Variants in AGO2 observed in about 807,000 individuals in gnomAD.
AGO2 encodes the protein protein argonaute-2.
Under a neutral mutation model 102.3 loss-of-function variants are expected in AGO2, and 5 were observed. The observed-to-expected ratio is 0.05, with a 90% CI of 0.03 to 0.10. The LOEUF is 0.10. AGO2 is among the 10% of genes least tolerant of loss of function. The probability of loss-of-function intolerance (pLI) is 1.00; values close to 1 mark genes in which losing one functional copy is unlikely to be tolerated. For synonymous variants in AGO2, 449 were observed against 473.1 expected (o/e 0.95, Z 0.66); for missense variants, 541 against 1,183.7 (o/e 0.46, Z 7.97).
chr8:140,590,581 C>T (rs560056808), intron 1 of AGO2, among the ~76,000 whole-genome samples: 1 of 152,218 alleles, frequency 6.6e-6, no homozygotes. Context: ...GGAAGGGAGT[C>T]AACAGAACCC....
In AGO2 at chr8:140,532,428, T is replaced by A; in HGVS notation, c.2459A>T (p.Lys820Met). 2 of 1,613,540 alleles carry A rather than the reference T, an allele frequency of 1.2e-6. No individual in the cohort carries two copies. Among genetic ancestry groups the A allele is most frequent in the Non-Finnish European group, 1.7e-6 (2 of 1,179,822 alleles). ...GCATGCCACTCACCTGTCATGTTCCTTATCCACCAGGTGGTACCTGGCCCG... is the reference window on the plus strand; with the variant it reads ...GCATGCCACTCACCTGTCATGTTCCATATCCACCAGGTGGTACCTGGCCCG... Reference protein sequence around the residue: ...AFRARYHLVDKEHDSAEGSHT... With the variant: ...AFRARYHLVDMEHDSAEGSHT... The change falls in exon 18 of 19, where the codon AAG (lysine) becomes ATG (methionine). Residue 820 changes from lysine (K) to methionine (M), a missense_variant. Lys to Met is a moderately conservative substitution (Grantham distance 95, BLOSUM62 -1). Around this residue, in one of 6 missense-constraint regions of AGO2, gnomAD observed 309 missense variants for 735.1 expected, o/e 0.42. Transcript: ENST00000220592.
chr8:140,537,279 TG>T (rs1488281583), intron 16 of AGO2, among the ~76,000 whole-genome samples: 2 of 152,086 alleles, frequency 1.3e-5, no homozygotes, highest in Non-Finnish European at 2.9e-5. Context: ...CTATTAGACC[TG>T]GCTTGGCTTG....
intron 1 of AGO2, among the ~76,000 whole-genome samples, chr8:140,629,585 ACC>A (rs1225204394): frequency 6.6e-6 from 1 of 151,846 alleles, no homozygotes; most frequent in African/African-American, 2.4e-5. Flanking sequence ...CACACTTGTA[ACC>A]CCAGCACTTT....
chr8:140,573,225 A>G (rs986726289), intron 2 of AGO2, among the ~76,000 whole-genome samples: 3 of 151,822 alleles, frequency 2.0e-5, no homozygotes, highest in Non-Finnish European at 4.4e-5. Flanking sequence ...GCTGGAGTGC[A>G]GTGGCACGAT....
At chr8:140,601,282 C>A (rs778614133) in intron 1 of AGO2, among the ~76,000 whole-genome samples, 1 of 152,234 alleles carries the variant, frequency 6.6e-6, no homozygotes, top group South Asian at 2.1e-4. Context: ...TCACCTCCTT[C>A]AGGTCTTTGT....
intron 1 of AGO2, among the ~76,000 whole-genome samples, chr8:140,623,760 A>G (rs554750280): frequency 1.3e-5 from 2 of 152,106 alleles, no homozygotes; most frequent in South Asian, 4.2e-4. Context: ...CATCCCAAAC[A>G]CAGCCCTGGG....
At chr8:140,584,018 A>G (rs117798969) in intron 2 of AGO2, among the ~76,000 whole-genome samples, 5,219 of 152,256 alleles carry the variant, frequency 0.034, 122 homozygotes, top group Non-Finnish European at 0.055. Flanking sequence ...CATGCGGTAC[A>G]TGACTGTATC....
In AGO2 at chr8:140,557,674, A is replaced by AGGAGACGCCT. The variant is rs2073122718; in HGVS notation, c.879-448_879-439dup. Among the ~76,000 whole-genome samples the AGGAGACGCCT allele has an allele frequency of 6.6e-6, 1 of 152,220 alleles. No homozygotes were observed. The highest frequency in any genetic ancestry group is 6.5e-5 in the Admixed American group (1 of 15,280). ...CCGGTTCCGGCCGCACGGTGACGGC[A>AGGAGACGCCT]GGAGACGCCTGGGTGCAGTATGGGT... On this transcript the variant is annotated intron_variant, in intron 7 of 18. Coordinates refer to ENST00000220592, the MANE Select transcript of AGO2 (RefSeq NM_012154.5). This position sits in a 1 kb window ranked among gnomAD's most constrained non-coding sequence, Gnocchi z 5.9.
At position 140,521,740 on chromosome 8, in the gene AGO2, C is replaced by T. The variant is rs1403992240; in HGVS notation, c.*10304G>A. 4 of 152,268 alleles carry T rather than the reference C, an allele frequency of 2.6e-5. No individual in the cohort carries two copies. Among genetic ancestry groups the T allele is most frequent in the African/African-American group, 9.6e-5 (4 of 41,472 alleles). The allele number at this position is 152,268 out of a possible 1,614,324, so 9.4% of individuals were successfully genotyped here. ...GAGCTCTGGCTCGCCCCTTTCTGTC[C>T]ATGGCCATTAGCACCTCCACCAGGT... On this transcript the variant is annotated 3_prime_UTR_variant, in exon 19 of 19. Coordinates refer to ENST00000220592, the MANE Select transcript of AGO2 (RefSeq NM_012154.5).
In AGO2 at chr8:140,549,120, C is replaced by T. The variant is rs760895272; in HGVS notation, c.1582G>A (p.Val528Met). 6 of 1,607,246 alleles carry T rather than the reference C, an allele frequency of 3.7e-6. No homozygotes were observed. The highest frequency in any genetic ancestry group is 1.7e-5 in the Admixed American group (1 of 59,824). Residue 528 changes from valine (V) to methionine (M), a missense_variant, in exon 12 of 19, where the codon GTG (valine) becomes ATG (methionine). By Grantham distance (21) the Val-to-Met change is conservative. Around this residue, in one of 6 missense-constraint regions of AGO2, gnomAD observed 309 missense variants for 735.1 expected, o/e 0.42. Coordinates refer to ENST00000220592, the MANE Select transcript of AGO2 (RefSeq NM_012154.5). ...CGGGAGCGCCCACACCTACCGTACACGGGCGTCTTGCCGGGCAGGATGACC... is the reference window on the plus strand; with the variant it reads ...CGGGAGCGCCCACACCTACCGTACATGGGCGTCTTGCCGGGCAGGATGACC... ...VVVILPGKTP[V>M]YAEVKRVGDT...
chr8:140,535,778 G>T (rs1158528159), intron 16 of AGO2, among the ~76,000 whole-genome samples: 1 of 152,220 alleles, frequency 6.6e-6, no homozygotes, highest in Non-Finnish European at 1.5e-5. Context: ...TGTGGGCTGG[G>T]GTTATTTTCC....
At chr8:140,597,061 G>A (rs982093223) in intron 1 of AGO2, among the ~76,000 whole-genome samples, 2 of 152,130 alleles carry the variant, frequency 1.3e-5, no homozygotes, top group African/African-American at 4.8e-5. Context: ...CCACAAAATG[G>A]GTTTTACGTC....
At position 140,532,160 on chromosome 8, in the gene AGO2, G is replaced by T. The variant is rs1474660462; in HGVS notation, c.2472-8C>A. The T allele has an allele frequency of 3.7e-6, 6 of 1,610,526 alleles. No individual in the cohort carries two copies. Among genetic ancestry groups the T allele is most frequent in the Admixed American group, 1.7e-5 (1 of 59,998 alleles). ...GTATGGCTTCCTTCAGCACTGCAGGGATGAGAGAGAGAGAGAATGAGAATG... is the reference window on the plus strand; with the variant it reads ...GTATGGCTTCCTTCAGCACTGCAGGTATGAGAGAGAGAGAGAATGAGAATG... On this transcript the variant is annotated splice_region_variant and splice_polypyrimidine_tract_variant and intron_variant, in intron 18 of 18. Transcript: ENST00000220592.
At chr8:140,591,522 A>C (rs966070017) in intron 1 of AGO2, among the ~76,000 whole-genome samples, 1 of 152,250 alleles carries the variant, frequency 6.6e-6, no homozygotes. Context: ...AGTGAGCAAT[A>C]CAGCGTGCAC....
intron 1 of AGO2, among the ~76,000 whole-genome samples, chr8:140,598,868 G>C (rs2073887776): frequency 6.6e-6 from 1 of 152,200 alleles, no homozygotes; most frequent in Non-Finnish European, 1.5e-5. Context: ...AGGACTCATG[G>C]CTACCGTGGG....
intron 12 of AGO2, among the ~76,000 whole-genome samples, chr8:140,548,490 G>A (rs1195425522): frequency 6.6e-6 from 1 of 152,104 alleles, no homozygotes; most frequent in African/African-American, 2.4e-5. Flanking sequence ...GCTATTCCTG[G>A]TCTCTTTCAT....
chr8:140,585,076 G>C, intron 2 of AGO2, 43 bp downstream of exon 2: 1 of 1,571,548 alleles, frequency 6.4e-7, no homozygotes, highest in Non-Finnish European at 8.7e-7. Context: ...GTGTCTGTCC[G>C]CGCAGACCAC....
At chr8:140,597,074 G>T (rs551367598) in intron 1 of AGO2, among the ~76,000 whole-genome samples, 124 of 152,320 alleles carry the variant, frequency 8.1e-4, no homozygotes, top group Non-Finnish European at 1.2e-3. Context: ...TTTACGTCAT[G>T]GTTAAAGGGA....
Position 140,523,130 on chromosome 8 carries a change from G to GT in AGO2, c.*8913dup, listed in dbSNP as rs1223879205. 2.0e-5 allele frequency: 3 copies of GT among 152,126 alleles called. No homozygotes were observed. Among genetic ancestry groups the GT allele is most frequent in the Non-Finnish European group, 4.4e-5 (3 of 68,034 alleles). The allele number at this position is 152,126 out of a possible 1,614,324, so 9.4% of individuals were successfully genotyped here. Reference sequence around the variant, plus strand: ...CCAATTCACAAAACAGCACTGCATGGTTTCTATATTGCAAGCACAAGACAT... The same window carrying GT: ...CCAATTCACAAAACAGCACTGCATGGTTTTCTATATTGCAAGCACAAGACAT... On this transcript the variant is annotated 3_prime_UTR_variant, in exon 19 of 19. Transcript: ENST00000220592.
Sources: allele counts gnomAD v4.1 joint callset (sites outside exome capture counted in the v4.1 genomes callset), GRCh38; gene constraint gnomAD v4.1.1; regional missense constraint gnomAD v4.1.1; non-coding constraint Gnocchi (gnomAD v3.1); transcripts MANE v1.5; gene names NCBI Gene and HGNC (gene_info 2026-07-23, HGNC 2026-07-21).